The following RBSN variants were observed in gnomAD, a reference collection of about 807,000 sequenced individuals.
RBSN encodes the protein rabenosyn-5.
Under a neutral mutation model 60.5 loss-of-function variants are expected in RBSN, and 34 were observed. That is an observed-to-expected ratio of 0.56 (90% CI 0.43 to 0.75). The LOEUF is 0.75. Ranked by LOEUF, RBSN falls within the 30% of genes least tolerant of loss-of-function variation. RBSN has a pLI of 0.00. For synonymous variants in RBSN, 322 were observed against 366.9 expected, an observed-to-expected ratio of 0.88 and a Z score of 1.40; for missense variants, 845 against 986.8, an observed-to-expected ratio of 0.86 and a Z score of 1.92.
At chr3:15,094,130 C>T (rs2043588772) in intron 4 of RBSN, among the ~76,000 whole-genome samples, 1 of 152,190 alleles carries the variant, frequency 6.6e-6, no homozygotes, top group African/African-American at 2.4e-5. Flanking sequence ...AAAAGGGTCA[C>T]TGTAGGAATC....
intron 4 of RBSN, chr3:15,091,434 C>G (rs138076691): frequency 7.8e-7 from 1 of 1,280,282 alleles, no homozygotes; most frequent in Non-Finnish European, 1.0e-6. Context: ...CTACTGCCCA[C>G]GCACTTATTG....
chr3:15,098,446 C>A (rs528637772), intron 1 of RBSN, among the ~76,000 whole-genome samples, 172 bp from the exon 2 acceptor site: 3 of 103,136 alleles, frequency 2.9e-5, no homozygotes, highest in Non-Finnish European at 5.4e-5. Flanking sequence ...CTCTAAATCA[C>A]GTAAAAAGTA....
intron 3 of RBSN, 89 bp from the exon 4 acceptor site, chr3:15,096,377 G>A (rs1349190913): frequency 5.2e-6 from 2 of 385,398 alleles, no homozygotes; most frequent in Middle Eastern, 6.8e-4. Context: ...CAGTTCAATG[G>A]GGTACTTAAT....
Position 15,074,858 on chromosome 3 carries a change from C to T in RBSN, c.1279G>A (p.Val427Met). 2 of 1,614,168 alleles carry T rather than the reference C, an allele frequency of 1.2e-6. No individual in the cohort carries two copies. Among genetic ancestry groups the T allele is most frequent in the Non-Finnish European group, 1.7e-6 (2 of 1,180,050 alleles). ...GLASRAANGE[V>M]ASLRRGPAPL... ...GCAGGGCCCCTGCGGAGAGATGCCA[C>T]CTCCCCGTTGGCCGCTCGAGAAGCC... The change falls in exon 14 of 14, where the codon GTG becomes ATG. Residue 427 changes from valine to methionine, a missense_variant. Val to Met is a conservative substitution (Grantham distance 21). Transcript: ENST00000253699. The surrounding 1 kb of genome is among the most constrained non-coding windows in gnomAD (Gnocchi z 6.4).
chr3:15,088,665 C>G (rs1011365437), intron 5 of RBSN, among the ~76,000 whole-genome samples: 1 of 152,186 alleles, frequency 6.6e-6, no homozygotes, highest in African/African-American at 2.4e-5. Flanking sequence ...CAGGCGTGAG[C>G]CACTGCGCCC....
Position 15,080,843 on chromosome 3 carries a change from A to G in RBSN, c.841-41T>C, listed in dbSNP as rs1417628540. ...AAGAGGTAAGTGGTATGCTCAAGAT[A>G]TAGAAACACCTACCCAGAAGCTAGG... On this transcript the variant is annotated intron_variant, in intron 9 of 13. Transcript: ENST00000253699. 4 of 1,534,540 alleles carry G rather than the reference A, an allele frequency of 2.6e-6. No homozygotes were observed. In the South Asian group the frequency reaches 4.5e-5, roughly 17 times the overall value.
chr3:15,080,290 G>A (rs145293539), intron 10 of RBSN, among the ~76,000 whole-genome samples: 259 of 150,240 alleles, frequency 1.7e-3, no homozygotes, highest in African/African-American at 5.8e-3. Flanking sequence ...TTTGGCCCAC[G>A]GGCTGCAGTC....
Position 15,080,752 on chromosome 3 carries a change from G to A in RBSN, c.891C>T (p.Ile297=). ...CTTACTTTAATGATGCTGCCATCCT[G>A]ATGTATTCTGGAGCTTTCTGGTCAA... ...EKVDQKAPEY[I]RMAASLNAGE... Residue 297 remains isoleucine (I), a synonymous_variant, in exon 10 of 14, where the codon ATC becomes ATT. Coordinates refer to ENST00000253699, the MANE Select transcript of RBSN (RefSeq NM_022340.4). 6.2e-7 allele frequency: 1 copy of A among 1,614,078 alleles called. No individual in the cohort carries two copies.
Position 15,082,638 on chromosome 3 carries a change from G to T in RBSN, c.599-30C>A. 2 of 1,608,280 alleles carry T rather than the reference G, an allele frequency of 1.2e-6. No individual in the cohort carries two copies. The highest frequency in any genetic ancestry group is 2.2e-5 in the South Asian group (2 of 90,632). ...AACCACAACACCAACAGGCAGCAAT[G>T]ACCCCCACAGCATCCAATTACCATA... On this transcript the variant is annotated intron_variant, in intron 8 of 13. Coordinates refer to ENST00000253699, the MANE Select transcript of RBSN (RefSeq NM_022340.4). This position sits in a 1 kb window ranked among gnomAD's most constrained non-coding sequence, Gnocchi z 4.2.
intron 2 of RBSN, among the ~76,000 whole-genome samples, chr3:15,097,245 TG>T: frequency 6.6e-6 from 1 of 152,324 alleles, no homozygotes; most frequent in South Asian, 2.1e-4. Flanking sequence ...CCAGGCATGG[TG>T]GCTCAAGCCT....
At chr3:15,078,007 C>T (rs372631207) in intron 11 of RBSN, 68 bp downstream of exon 11, 79 of 1,383,034 alleles carry the variant, frequency 5.7e-5, no homozygotes, top group Middle Eastern at 5.7e-4. Context: ...GGTCTGCTTT[C>T]GCCATTTCAT....
In RBSN at chr3:15,090,045, A is replaced by G. The variant is rs373458091; in HGVS notation, c.289+354T>C. Among the ~76,000 whole-genome samples the G allele has an allele frequency of 2.6e-4, 39 of 152,300 alleles. No individual in the cohort carries two copies. In the South Asian group the frequency reaches 8.1e-3, roughly 32 times the overall value. ...CCTGTCACTGGGCAGGTAATGTCCT[A>G]TGTGAGAGGAAAGAATCATTAATGG... On this transcript the variant is annotated intron_variant, in intron 5 of 13. Coordinates refer to ENST00000253699, the MANE Select transcript of RBSN (RefSeq NM_022340.4).
At chr3:15,075,005 T>G (rs781264653) in intron 13 of RBSN, 75 bp from the exon 14 acceptor site, 1 of 1,497,296 alleles carries the variant, frequency 6.7e-7, no homozygotes, top group Non-Finnish European at 8.9e-7. Flanking sequence ...CCACCCTCTG[T>G]TGTCCCTCTA....
chr3:15,075,430 A>C (rs1302187132), intron 13 of RBSN, 176 bp downstream of exon 13: 2 of 706,824 alleles, frequency 2.8e-6, no homozygotes, highest in Non-Finnish European at 5.1e-6. Flanking sequence ...GGGGAGAAAA[A>C]CAATTATTCT....
intron 4 of RBSN, 188 bp downstream of exon 4, chr3:15,095,785 A>T (rs1334243657): frequency 1.4e-6 from 1 of 716,706 alleles, no homozygotes; most frequent in South Asian, 1.9e-5. Context: ...CCACACAGTT[A>T]TTGTGAGGAT....
chr3:15,083,352 T>A (rs1453213053), intron 8 of RBSN, among the ~76,000 whole-genome samples: 2 of 152,180 alleles, frequency 1.3e-5, no homozygotes, highest in African/African-American at 4.8e-5. Flanking sequence ...TGTCCCCACA[T>A]TATCCAGACA....
chr3:15,078,077 T>C lies in RBSN; in HGVS notation c.996A>G (p.Leu332=). 1 of 1,613,802 alleles carries C rather than the reference T, an allele frequency of 6.2e-7. No homozygotes were observed. The highest frequency in any genetic ancestry group is 8.5e-7 in the Non-Finnish European group (1 of 1,179,752). ...VQKVYELIDA[L]SKKILTLGLN... ...GGATACCACTTAATGGACCTTACCT[T>C]AAAGCGTCTATCAGCTCATACACTT... Residue 332 remains leucine, a splice_region_variant and synonymous_variant, in exon 11 of 14, where the codon TTA becomes TTG. Coordinates refer to ENST00000253699, the MANE Select transcript of RBSN (RefSeq NM_022340.4).
In RBSN at chr3:15,077,988, G is replaced by A; in HGVS notation, c.998+87C>T. On this transcript the variant is annotated intron_variant, in intron 11 of 13. Coordinates refer to ENST00000253699, the MANE Select transcript of RBSN (RefSeq NM_022340.4). The surrounding 1 kb of genome is among the most constrained non-coding windows in gnomAD (Gnocchi z 4.4). ...CACTGCCCCATCACCAGAAGTCTGAGTGAGTGCAGGTCTGCTTTCGCCATT... is the reference window on the plus strand; with the variant it reads ...CACTGCCCCATCACCAGAAGTCTGAATGAGTGCAGGTCTGCTTTCGCCATT... 2 of 1,171,104 alleles carry A rather than the reference G, an allele frequency of 1.7e-6. No homozygotes were observed. The highest frequency in any genetic ancestry group is 1.3e-6 in the Non-Finnish European group (1 of 786,764). 72.5% of individuals were successfully genotyped at this position (1,171,104 alleles called of 1,614,324 possible).
intron 4 of RBSN, 22 bp from the exon 5 acceptor site, chr3:15,090,561 T>C (rs2043485804): frequency 6.2e-7 from 1 of 1,611,274 alleles, no homozygotes; most frequent in Non-Finnish European, 8.5e-7. Context: ...GAACAAATAA[T>C]ACAAATGAGC....
Sources: allele counts gnomAD v4.1 joint callset (sites outside exome capture counted in the v4.1 genomes callset), GRCh38; gene constraint gnomAD v4.1.1; non-coding constraint Gnocchi (gnomAD v3.1); transcripts MANE v1.5; gene names NCBI Gene and HGNC (gene_info 2026-07-23, HGNC 2026-07-21).